Variants in ANO4 observed in about 807,000 individuals in gnomAD.
ANO4 encodes the protein anoctamin 4, also known as anoctamin-4.
A neutral mutation model predicts 141.9 loss-of-function variants in ANO4; 69 were observed. That is an observed-to-expected ratio of 0.49 (90% confidence interval 0.40 to 0.59). The LOEUF is 0.59. ANO4 is among the 20% of genes least tolerant of loss of function. The probability of loss-of-function intolerance (pLI) is 0.00; values close to 1 mark genes in which losing one functional copy is unlikely to be tolerated. For missense variants in ANO4, 894 were observed against 1,162.2 expected (o/e 0.77, Z 3.36); for synonymous variants, 350 against 394.3 (o/e 0.89, Z 1.33).
chr12:100,909,190 T>C (rs1305382942), intron 2 of ANO4, among the ~76,000 whole-genome samples: 1 of 152,254 alleles, frequency 6.6e-6, no homozygotes, highest in Non-Finnish European at 1.5e-5. Flanking sequence ...TTGATTAGAA[T>C]AGAATATCTT....
intron 1 of ANO4, among the ~76,000 whole-genome samples, chr12:100,858,175 G>T (rs994094108): frequency 6.6e-6 from 1 of 152,088 alleles, no homozygotes; most frequent in African/African-American, 2.4e-5. Flanking sequence ...ATCACTGTGG[G>T]TACATGAAAG....
At chr12:101,081,101 A>G (rs928242605) in intron 15 of ANO4, among the ~76,000 whole-genome samples, 16 of 151,052 alleles carry the variant, frequency 1.1e-4, no homozygotes, top group African/African-American at 2.9e-4. Context: ...TATGACATCT[A>G]TTGGTAGCAG....
intron 14 of ANO4, 34 bp from the exon 15 acceptor site, chr12:101,079,159 C>T: frequency 1.3e-6 from 2 of 1,589,866 alleles, no homozygotes; most frequent in South Asian, 2.2e-5. Flanking sequence ...TACTTTTATT[C>T]AAAAATGTCT....
intron 14 of ANO4, among the ~76,000 whole-genome samples, chr12:101,054,691 G>A (rs555879680): frequency 7.2e-5 from 11 of 152,176 alleles, no homozygotes; most frequent in Non-Finnish European, 1.5e-4. Context: ...TAGTAGAGAC[G>A]GGGTTTCACT....
intron 1 of ANO4, among the ~76,000 whole-genome samples, chr12:100,814,245 A>C (rs2035602902): frequency 6.6e-6 from 1 of 152,220 alleles, no homozygotes. Context: ...TTTACATATC[A>C]TATAATTCAC....
upstream of ANO4, among the ~76,000 whole-genome samples, chr12:100,791,403 C>CT (rs2034042378): frequency 6.6e-6 from 1 of 152,154 alleles, no homozygotes; most frequent in Non-Finnish European, 1.5e-5. Context: ...GAGCGAGACT[C>CT]TGTCTCCAAA....
At chr12:101,055,246 TA>T (rs1004381084) in intron 14 of ANO4, among the ~76,000 whole-genome samples, 3 of 152,236 alleles carry the variant, frequency 2.0e-5, no homozygotes, top group African/African-American at 7.2e-5. Context: ...CCTAACTTAG[TA>T]AGAAATTGTT....
chr12:100,950,418 G>A (rs2042923547), intron 5 of ANO4, among the ~76,000 whole-genome samples: 1 of 152,158 alleles, frequency 6.6e-6, no homozygotes, highest in South Asian at 2.1e-4. Context: ...TCAGAGCCCT[G>A]GCGATTCCTT....
intron 5 of ANO4, among the ~76,000 whole-genome samples, chr12:100,952,347 T>G (rs921328157): frequency 6.6e-6 from 1 of 152,228 alleles, no homozygotes; most frequent in African/African-American, 2.4e-5. Flanking sequence ...AGGGCTATTA[T>G]GAGGATAAAA....
chr12:101,039,284 C>T (rs994215763), intron 10 of ANO4, among the ~76,000 whole-genome samples: 4 of 152,024 alleles, frequency 2.6e-5, no homozygotes, highest in Non-Finnish European at 5.9e-5. Context: ...GGGGACAGAT[C>T]GCTTGAGTCT....
chr12:101,104,452 C>T (rs138893640), intron 22 of ANO4, among the ~76,000 whole-genome samples: 3,549 of 150,878 alleles, frequency 0.024, 72 homozygotes, highest in African/African-American at 0.053. Flanking sequence ...AATTTATTTT[C>T]GACTATGCAT....
intron 17 of ANO4, among the ~76,000 whole-genome samples, chr12:101,091,301 T>C (rs956207248): frequency 5.3e-5 from 8 of 152,104 alleles, no homozygotes; most frequent in African/African-American, 1.9e-4. Flanking sequence ...AAAAGCAGCA[T>C]CAACCAGGAC....
At chr12:100,908,013 TA>T (rs1328566176) in intron 2 of ANO4, among the ~76,000 whole-genome samples, 1 of 152,226 alleles carries the variant, frequency 6.6e-6, no homozygotes, top group Non-Finnish European at 1.5e-5. Flanking sequence ...CAACATGGGC[TA>T]ATTCAGCCCA....
intron 7 of ANO4, 76 bp downstream of exon 7, chr12:100,974,965 A>G: frequency 3.3e-6 from 5 of 1,532,086 alleles, no homozygotes; most frequent in Non-Finnish European, 4.5e-6. Flanking sequence ...AAGGAGCTAT[A>G]AGCTGGGGAA....
intron 8 of ANO4, among the ~76,000 whole-genome samples, chr12:101,015,886 C>T (rs1423137135): frequency 2.0e-5 from 3 of 152,008 alleles, no homozygotes; most frequent in African/African-American, 7.3e-5. Flanking sequence ...GAGAGAGAGA[C>T]TTCATTTGGA....
chr12:101,096,736 AG>A, intron 19 of ANO4, 89 bp downstream of exon 19: 1 of 979,724 alleles, frequency 1.0e-6, no homozygotes, highest in Non-Finnish European at 1.6e-6. Context: ...GCCCTCCCTT[AG>A]GGTGATTTAT....
chr12:100,922,609 C>T (rs993162988), intron 3 of ANO4, among the ~76,000 whole-genome samples: 1 of 151,858 alleles, frequency 6.6e-6, no homozygotes, highest in Non-Finnish European at 1.5e-5. Context: ...ATTTAGTAAA[C>T]CTTGGAGTAT....
chr12:100,879,746 C>T (rs908938038), intron 1 of ANO4, among the ~76,000 whole-genome samples: 4 of 152,068 alleles, frequency 2.6e-5, no homozygotes, highest in Non-Finnish European at 2.9e-5. Flanking sequence ...TGTCATCCTT[C>T]CACAGGAATT....
At chr12:100,757,942 C>T (rs1565858814) in intron 3 of ANO4, among the ~76,000 whole-genome samples, 1 of 152,044 alleles carries the variant, frequency 6.6e-6, no homozygotes, top group Non-Finnish European at 1.5e-5. Context: ...ATGTATTGTT[C>T]ACTCCTTCAA....
Sources: allele counts gnomAD v4.1 joint callset (sites outside exome capture counted in the v4.1 genomes callset), GRCh38; gene constraint gnomAD v4.1.1; transcripts MANE v1.5; gene names NCBI Gene and HGNC (gene_info 2026-07-23, HGNC 2026-07-21).